EPB41L4A: variants seen among roughly 807,000 people sequenced by gnomAD.
EPB41L4A encodes the protein erythrocyte membrane protein band 4.1 like 4A.
Under a neutral mutation model 108.6 loss-of-function variants are expected in EPB41L4A, and 100 were observed. The ratio of observed to expected loss-of-function variants is 0.92; its 90% CI spans 0.78 to 1.09. The LOEUF (loss-of-function observed/expected upper bound fraction) is 1.09. Ranked by LOEUF, EPB41L4A falls within the 50% of genes least tolerant of loss-of-function variation. The probability of loss-of-function intolerance (pLI) is 0.00; values close to 1 mark genes in which losing one functional copy is unlikely to be tolerated. For synonymous variants in EPB41L4A, 319 were observed against 289.0 expected, an observed-to-expected ratio of 1.10 and a Z score of -1.05; for missense variants, 1,030 against 842.7, an observed-to-expected ratio of 1.22 and a Z score of -2.75.
chr5:112,323,145 C>A (rs1341435207), intron 1 of EPB41L4A, among the ~76,000 whole-genome samples: 1 of 151,708 alleles, frequency 6.6e-6, no homozygotes, highest in Non-Finnish European at 1.5e-5. Flanking sequence ...AACCAGAAGA[C>A]AAAACATGCA....
chr5:112,247,883 G>C lies in EPB41L4A; in HGVS notation c.796-7073C>G, dbSNP rs115504474. Among the ~76,000 whole-genome samples, 1,108 of 152,150 alleles carry C rather than the reference G, an allele frequency of 7.3e-3. 10 individuals carry two copies. The highest frequency in any genetic ancestry group is 0.026 in the African/African-American group (1,059 of 41,500). ...TTTTCAAGTACAGACCTTATCACAG[G>C]ATACCTAACTTTTAATACTTTTTTA... On this transcript the variant is annotated intron_variant, in intron 9 of 22. Transcript: ENST00000261486.
intron 13 of EPB41L4A, chr5:112,207,172 G>C (rs192760839): frequency 6.6e-6 from 1 of 152,256 alleles, no homozygotes; most frequent in East Asian, 1.9e-4. Flanking sequence ...AAAGCAACTA[G>C]AACAAGCAAT....
chr5:112,314,848 G>A (rs1372648619), intron 1 of EPB41L4A, among the ~76,000 whole-genome samples: 3 of 151,978 alleles, frequency 2.0e-5, no homozygotes, highest in Non-Finnish European at 2.9e-5. Flanking sequence ...GTTTTCTTCT[G>A]ACCATTTCCA....
intron 4 of EPB41L4A, among the ~76,000 whole-genome samples, chr5:112,269,542 A>C (rs1035162563): frequency 9.2e-5 from 14 of 152,282 alleles, no homozygotes; most frequent in Middle Eastern, 3.4e-3. Context: ...CTCTGATTAA[A>C]GCTATGATGG....
intron 2 of EPB41L4A, among the ~76,000 whole-genome samples, chr5:112,288,512 G>C (rs1753429140): frequency 6.6e-6 from 1 of 152,198 alleles, no homozygotes; most frequent in Admixed American, 6.5e-5. Context: ...GAGAAGACAG[G>C]GCCAATCGTC....
upstream of EPB41L4A, chr5:112,419,354 C>T (rs3749743): frequency 0.032 from 10,414 of 329,238 alleles, 255 homozygotes; most frequent in East Asian, 0.066. Flanking sequence ...CGGGGCCCCT[C>T]CCGCAGTCCT....
intron 12 of EPB41L4A, among the ~76,000 whole-genome samples, chr5:112,225,413 C>A (rs1748383227): frequency 6.6e-6 from 1 of 152,168 alleles, no homozygotes; most frequent in South Asian, 2.1e-4. Context: ...CTCTGTAAAT[C>A]ACAATGATCT....
At chr5:112,198,451 T>C (rs561955292) in intron 15 of EPB41L4A, among the ~76,000 whole-genome samples, 12 of 152,338 alleles carry the variant, frequency 7.9e-5, no homozygotes, top group African/African-American at 2.9e-4. Flanking sequence ...TGAAATTTAG[T>C]TATAATGAAC....
Position 112,293,356 on chromosome 5 carries a change from C to T in EPB41L4A, c.205-13033G>A, listed in dbSNP as rs987066030. ...TACCCATTAGTTATTTTTCCTCATC[C>T]TCTCCCTCCTTTTAATTTAGTTTAA... On this transcript the variant is annotated intron_variant, in intron 2 of 22. Coordinates refer to ENST00000261486, the MANE Select transcript of EPB41L4A (RefSeq NM_022140.5). Among the ~76,000 whole-genome samples the T allele has an allele frequency of 1.8e-4, 19 of 107,778 alleles. 1 individual carries two copies. The highest frequency in any genetic ancestry group is 6.3e-4 in the Admixed American group (8 of 12,622). 70.7% of individuals were successfully genotyped at this position (107,778 alleles called of 152,430 possible).
rs532037584 is a variant in EPB41L4A, at chr5:112,416,796, A to C, written c.99+2145T>G. 3.9e-5 allele frequency among the ~76,000 whole-genome samples: 6 copies of C among 152,348 alleles called. No homozygotes were observed. The East Asian group carries it at 7.7e-4, about 20-fold the overall frequency. ...AAATGTCAAGTATGTACAGAACATA[A>C]ACATGTTCATCCAATGTTTGAATAC... On this transcript the variant is annotated intron_variant, in intron 1 of 22. Transcript: ENST00000261486.
intron 1 of EPB41L4A, among the ~76,000 whole-genome samples, chr5:112,412,707 C>T (rs772009917): frequency 6.6e-6 from 1 of 152,026 alleles, no homozygotes; most frequent in Non-Finnish European, 1.5e-5. Flanking sequence ...GCAGGATGAC[C>T]AGGAGCAATA....
In EPB41L4A at chr5:112,275,652, A is replaced by C. The variant is rs112499207; in HGVS notation, c.257-248T>G. Among the ~76,000 whole-genome samples the C allele has an allele frequency of 3.3e-5, 5 of 152,288 alleles. 1 individual carries two copies. The highest frequency in any genetic ancestry group is 1.2e-4 in the African/African-American group (5 of 41,578). On this transcript the variant is annotated intron_variant, in intron 3 of 22. Coordinates refer to ENST00000261486, the MANE Select transcript of EPB41L4A (RefSeq NM_022140.5). ...TTATGTCTGGTTGGTGAGGTTATGG[A>C]CAATTTTTATTATATATGTTTTTCC...
intron 1 of EPB41L4A, among the ~76,000 whole-genome samples, chr5:112,308,450 T>C (rs560122993): frequency 1.3e-5 from 2 of 152,318 alleles, no homozygotes; most frequent in South Asian, 4.1e-4. Context: ...AAATGTATTA[T>C]AAAATGGGCA....
At chr5:112,213,599 TC>T (rs1747394733) in intron 12 of EPB41L4A, among the ~76,000 whole-genome samples, 1 of 152,124 alleles carries the variant, frequency 6.6e-6, no homozygotes, top group Admixed American at 6.5e-5. Flanking sequence ...TCTGCCCGCA[TC>T]ACCTCAGCCT....
intron 1 of EPB41L4A, among the ~76,000 whole-genome samples, chr5:112,309,640 A>G (rs1351164495): frequency 6.6e-6 from 1 of 152,176 alleles, no homozygotes; most frequent in Non-Finnish European, 1.5e-5. Flanking sequence ...TGACCTCTGG[A>G]ATCTGCATGA....
chr5:112,152,132 A>G (rs1340275325), intron 12 of EPB41L4A, among the ~76,000 whole-genome samples: 1 of 152,242 alleles, frequency 6.6e-6, no homozygotes, highest in Admixed American at 6.5e-5. Flanking sequence ...GACAGGAGAA[A>G]AATATTAAAT....
chr5:112,357,677 C>G (rs1394955789), intron 1 of EPB41L4A, among the ~76,000 whole-genome samples: 1 of 152,132 alleles, frequency 6.6e-6, no homozygotes, highest in Admixed American at 6.5e-5. Flanking sequence ...TCCTCTTTAC[C>G]TACACTGAGA....
rs954768785 is a variant in EPB41L4A, at chr5:112,240,497, G to A, written c.887+222C>T. Among the ~76,000 whole-genome samples the A allele has an allele frequency of 8.4e-4, 127 of 152,088 alleles. 1 individual carries two copies. Among genetic ancestry groups the A allele is most frequent in the Non-Finnish European group, 1.5e-4 (10 of 68,028 alleles). Reference sequence around the variant, plus strand: ...CTCGATCCTTTCTTGCAGTATCAAAGATATAACTGTATCTATGTGTATAAG... The same window carrying A: ...CTCGATCCTTTCTTGCAGTATCAAAAATATAACTGTATCTATGTGTATAAG... On this transcript the variant is annotated intron_variant, in intron 10 of 22. Transcript: ENST00000261486.
intron 4 of EPB41L4A, among the ~76,000 whole-genome samples, chr5:112,269,501 T>C (rs1752111367): frequency 6.6e-6 from 1 of 152,070 alleles, no homozygotes; most frequent in Non-Finnish European, 1.5e-5. Context: ...TTAGAACAAG[T>C]TAGAGTTGCT....
Sources: gnomAD v4.1 joint callset for allele counts (sites outside exome capture counted in the v4.1 genomes callset) on GRCh38, gnomAD v4.1.1 for gene constraint, MANE v1.5 for transcripts, NCBI Gene and HGNC (gene_info 2026-07-23, HGNC 2026-07-21) for gene names.